Variants in UACA observed in about 807,000 individuals in gnomAD.
UACA encodes nuclear membrane binding protein.
In UACA, 112 loss-of-function variants were observed where a neutral mutation model predicts 160.5. The ratio of observed to expected loss-of-function variants is 0.70; its 90% CI spans 0.60 to 0.82. The LOEUF (loss-of-function observed/expected upper bound fraction) is 0.82, where lower values mean the gene tolerates loss of function less well. UACA is among the 40% of genes least tolerant of loss of function. The pLI is 0.00. For missense variants in UACA, 1,574 were observed against 1,614.6 expected, an observed-to-expected ratio of 0.97 and a Z score of 0.43; for synonymous variants, 557 against 568.4, an observed-to-expected ratio of 0.98 and a Z score of 0.29.
rs575331012 is a variant in UACA, at chr15:70,723,793, C to T, written c.79-24133G>A. On this transcript the variant is annotated intron_variant, in intron 1 of 18. Coordinates refer to ENST00000322954, the MANE Select transcript of UACA (RefSeq NM_018003.4). ...GACTACAGGTGCCTGCCACCACACC[C>T]GGCTAATTTTTTGTATTTTTAGTAG... Among the ~76,000 whole-genome samples, 31 of 152,110 alleles carry T rather than the reference C, an allele frequency of 2.0e-4. 1 individual carries two copies. Among genetic ancestry groups the T allele is most frequent in the South Asian group, 8.3e-4 (4 of 4,812 alleles).
intron 1 of UACA, among the ~76,000 whole-genome samples, chr15:70,746,608 T>C (rs1376610321): frequency 1.3e-5 from 2 of 152,174 alleles, no homozygotes; most frequent in East Asian, 3.9e-4. Flanking sequence ...AGAAATACCA[T>C]TTGACCCATC....
chr15:70,776,181 T>G, the UACA span, among the ~76,000 whole-genome samples: 1 of 151,968 alleles, frequency 6.6e-6, no homozygotes, highest in Admixed American at 6.6e-5. Flanking sequence ...TAGATAAATA[T>G]CTCAAAAAAT....
At chr15:70,755,764 T>C (rs2030388216) in intron 1 of UACA, among the ~76,000 whole-genome samples, 1 of 152,152 alleles carries the variant, frequency 6.6e-6, no homozygotes, top group Admixed American at 6.5e-5. Flanking sequence ...ATAGAATTCT[T>C]ATTTGAAGAT....
chr15:70,664,059 T>C (rs532267276), intron 17 of UACA, among the ~76,000 whole-genome samples: 2 of 152,266 alleles, frequency 1.3e-5, no homozygotes, highest in Admixed American at 6.5e-5. Context: ...CAGTTATTAT[T>C]CTATTTTCTT....
At chr15:70,721,032 GC>G (rs1898974232) in intron 1 of UACA, among the ~76,000 whole-genome samples, 1 of 152,160 alleles carries the variant, frequency 6.6e-6, no homozygotes, top group Non-Finnish European at 1.5e-5. Flanking sequence ...GCCTACATGT[GC>G]CATAATGCTG....
At chr15:70,769,338 CAAAAAAAAAA>C in the UACA span, among the ~76,000 whole-genome samples, 1 of 77,724 alleles carries the variant, frequency 1.3e-5, no homozygotes, top group African/African-American at 6.0e-5. Context: ...GACTCCGACT[CAAAAAAAAAA>C]AAAAAAAAAA....
chr15:70,753,329 A>G (rs746000036), intron 1 of UACA, among the ~76,000 whole-genome samples: 2 of 152,226 alleles, frequency 1.3e-5, no homozygotes, highest in African/African-American at 2.4e-5. Flanking sequence ...AACAGAATCT[A>G]TTATTGGAAG....
Position 70,687,791 on chromosome 15 carries a change from G to A in UACA, c.454C>T (p.Leu152=), listed in dbSNP as rs1247226009. The change falls in exon 6 of 19, where the codon CTG becomes TTG. Residue 152 remains leucine (L), a synonymous_variant. Transcript: ENST00000322954. ...AMADCPSSIQ[L]LCDHGASVNA... Reference sequence around the variant, plus strand: ...ACAGAGGCCCCATGGTCACAAAGCAGCTGTATGCTAGAAGGACAATCTGCC... The same window carrying A: ...ACAGAGGCCCCATGGTCACAAAGCAACTGTATGCTAGAAGGACAATCTGCC... 3.7e-6 allele frequency: 6 copies of A among 1,613,686 alleles called. No homozygotes were observed. The highest frequency in any genetic ancestry group is 4.2e-6 in the Non-Finnish European group (5 of 1,179,788).
At chr15:70,674,893 C>T (rs1054843885) in intron 13 of UACA, among the ~76,000 whole-genome samples, 2 of 152,244 alleles carry the variant, frequency 1.3e-5, no homozygotes, top group East Asian at 3.8e-4. Context: ...GACACTGCGC[C>T]TGGCCTATAC....
chr15:70,669,565 A>T, intron 15 of UACA, 103 bp from the exon 16 acceptor site: 1 of 925,366 alleles, frequency 1.1e-6, no homozygotes, highest in Admixed American at 3.3e-5. Flanking sequence ...ATCAGGAATC[A>T]AAGGGTTTTC....
intron 1 of UACA, among the ~76,000 whole-genome samples, chr15:70,706,168 C>A (rs1237903694): frequency 6.6e-6 from 1 of 151,796 alleles, no homozygotes; most frequent in Admixed American, 6.6e-5. Context: ...GAATAAAGGA[C>A]AAAAATCACA....
chr15:70,703,163 T>A (rs1385222849), intron 1 of UACA: 2 of 1,288,960 alleles, frequency 1.6e-6, no homozygotes, highest in South Asian at 1.2e-5. Flanking sequence ...AAATTCAGGG[T>A]GGTTTTTTTG....
chr15:70,666,727 A>G lies in UACA; in HGVS notation c.3957T>C (p.Asn1319=), dbSNP rs535536215. The G allele has an allele frequency of 5.0e-6, 8 of 1,601,552 alleles. No individual in the cohort carries two copies. The South Asian group carries it at 7.9e-5, about 16-fold the overall frequency. Residue 1319 remains asparagine (N), a synonymous_variant, in exon 16 of 19, where the codon AAT becomes AAC. Transcript: ENST00000322954. ...ESAKQIEAKD[N]KITELLNDVE... is the part of the protein sequence containing the mutation. ...GTGCAGACTACTTTGTACCTACCTTATTATCTTTTGCTTCTATTTGTTTAG... is the reference window on the plus strand; with the variant it reads ...GTGCAGACTACTTTGTACCTACCTTGTTATCTTTTGCTTCTATTTGTTTAG...
At chr15:70,676,758 A>G (rs189079775) in intron 12 of UACA, among the ~76,000 whole-genome samples, 167 bp from the exon 13 acceptor site, 2 of 152,346 alleles carry the variant, frequency 1.3e-5, no homozygotes, top group Non-Finnish European at 2.9e-5. Flanking sequence ...CTACAAATAT[A>G]CTAATGAAAC....
At chr15:70,702,090 C>T (rs2140970768) in intron 1 of UACA, 1 of 1,351,184 alleles carries the variant, frequency 7.4e-7, no homozygotes, top group Non-Finnish European at 9.5e-7. Flanking sequence ...CTTCAGGATC[C>T]TTCTCCGCCT....
Position 70,760,442 on chromosome 15 carries a change from G to A in UACA, c.78+2888C>T, listed in dbSNP as rs565120890. On this transcript the variant is annotated intron_variant, in intron 1 of 18. Transcript: ENST00000322954. ...AATTAAGAAATAATATTATTCAAATGAAAAGGGCTAATTTCCCTGATATAA... is the reference window on the plus strand; with the variant it reads ...AATTAAGAAATAATATTATTCAAATAAAAAGGGCTAATTTCCCTGATATAA... 2.0e-5 allele frequency among the ~76,000 whole-genome samples: 3 copies of A among 152,220 alleles called. No individual in the cohort carries two copies. The South Asian group carries it at 6.2e-4, about 32-fold the overall frequency.
intron 1 of UACA, among the ~76,000 whole-genome samples, chr15:70,745,790 G>C (rs993464566): frequency 6.6e-6 from 1 of 150,548 alleles, no homozygotes; most frequent in Non-Finnish European, 1.5e-5. Flanking sequence ...CAGAACAGAG[G>C]CCTCTGAAAT....
chr15:70,747,241 G>GTT (rs549683234), intron 1 of UACA, among the ~76,000 whole-genome samples: 2,413 of 119,150 alleles, frequency 0.02, 102 homozygotes, highest in African/African-American at 0.072. Context: ...TGTTTTTTGG[G>GTT]TTTTTTTTTT....
At chr15:70,680,264 G>A (rs1046863189) in intron 9 of UACA, among the ~76,000 whole-genome samples, 3 of 152,044 alleles carry the variant, frequency 2.0e-5, no homozygotes, top group African/African-American at 7.2e-5. Flanking sequence ...CCAGCTTAGA[G>A]ATTTGCTTTA....
Sources: allele counts gnomAD v4.1 joint callset (sites outside exome capture counted in the v4.1 genomes callset), GRCh38; gene constraint gnomAD v4.1.1; transcripts MANE v1.5; gene names NCBI Gene and HGNC (gene_info 2026-07-23, HGNC 2026-07-21).